The following USP24 variants were observed in gnomAD, a reference collection of about 807,000 sequenced individuals.
USP24 encodes the protein ubiquitin specific peptidase 24.
In USP24, 97 loss-of-function variants were observed where a neutral mutation model predicts 361.6. That is an observed-to-expected ratio of 0.27 (90% CI 0.23 to 0.32). The LOEUF is 0.32. Among genes scored for constraint, USP24 ranks in the 10% least tolerant of loss-of-function variants. USP24 has a pLI of 1.00. For missense variants in USP24, 2,353 were observed against 3,165.6 expected (o/e 0.74, Z 6.16); for synonymous variants, 1,098 against 1,124.6 (o/e 0.98, Z 0.47).
chr1:55,079,391 T>G, intron 60 of USP24, 147 bp downstream of exon 60: 1 of 1,158,000 alleles, frequency 8.6e-7, no homozygotes, highest in Non-Finnish European at 1.2e-6. Context: ...TCTCTTCCAC[T>G]AATTATTTCT....
chr1:55,202,287 G>C (rs1049038287), intron 1 of USP24, among the ~76,000 whole-genome samples: 1 of 152,064 alleles, frequency 6.6e-6, no homozygotes, highest in Non-Finnish European at 1.5e-5. Context: ...CGTCATTACT[G>C]TGTTTGATAC....
At position 55,145,106 on chromosome 1, in the gene USP24, A is replaced by T. The variant is rs567190485; in HGVS notation, c.2362+892T>A. ...GAAATAGCGTGGCACTTTGCAAAAC[A>T]GACAGTTCCTGAAAGGTTAATTATA... On this transcript the variant is annotated intron_variant, in intron 20 of 67. Transcript: ENST00000294383. Among the ~76,000 whole-genome samples the T allele has an allele frequency of 3.3e-5, 5 of 152,326 alleles. No homozygotes were observed. The South Asian group carries it at 1.0e-3, about 32-fold the overall frequency.
At chr1:55,150,069 G>T (rs1647151740) in intron 16 of USP24, among the ~76,000 whole-genome samples, 1 of 152,146 alleles carries the variant, frequency 6.6e-6, no homozygotes, top group South Asian at 2.1e-4. Context: ...TCAAGAGAAG[G>T]TGTTTAACTT....
chr1:55,157,095 C>T, intron 11 of USP24, 44 bp from the exon 12 acceptor site: 1 of 1,506,844 alleles, frequency 6.6e-7, no homozygotes, highest in Non-Finnish European at 9.2e-7. Flanking sequence ...ATAGTGAACA[C>T]TGACTCTCTA....
rs373878708 is a variant in USP24, at chr1:55,069,118, G to C, written c.7801-11C>G. ...GGGAGATTCTGAACCCTGCAGAAAA[G>C]AAAAGGAAGTTAAAGTTCATACGGT... is the stretch of plus-strand genomic sequence containing the variant. On this transcript the variant is annotated splice_polypyrimidine_tract_variant and intron_variant, in intron 67 of 67. Transcript: ENST00000294383. 3 of 1,613,770 alleles carry C rather than the reference G, an allele frequency of 1.9e-6. No individual in the cohort carries two copies. In the African/African-American group the frequency reaches 4.0e-5, roughly 22 times the overall value.
chr1:55,124,222 A>G (rs1239216714), intron 35 of USP24, among the ~76,000 whole-genome samples: 1 of 152,068 alleles, frequency 6.6e-6, no homozygotes, highest in Non-Finnish European at 1.5e-5. Flanking sequence ...TAAGCTAAAA[A>G]CTGTTGATTT....
intron 1 of USP24, among the ~76,000 whole-genome samples, chr1:55,185,191 G>A (rs1471495286): frequency 2.0e-5 from 3 of 151,956 alleles, no homozygotes; most frequent in Admixed American, 6.6e-5. Context: ...AGGTTCAAGC[G>A]ATTCTCCCAT....
At chr1:55,108,129 C>A (rs1645843128) in intron 39 of USP24, among the ~76,000 whole-genome samples, 1 of 152,128 alleles carries the variant, frequency 6.6e-6, no homozygotes, top group Non-Finnish European at 1.5e-5. Flanking sequence ...AGAATCAACA[C>A]TCCTGCAGTG....
intron 1 of USP24, among the ~76,000 whole-genome samples, chr1:55,196,056 T>C (rs1644409292): frequency 6.6e-6 from 1 of 152,212 alleles, no homozygotes; most frequent in African/African-American, 2.4e-5. Context: ...GTCTACCTTC[T>C]TCACCACAGC....
chr1:55,092,752 G>T, intron 53 of USP24, 69 bp downstream of exon 53: 1 of 1,157,968 alleles, frequency 8.6e-7, no homozygotes, highest in Non-Finnish European at 1.2e-6. Context: ...ATGAATCACT[G>T]AATGCTTTAG....
intron 32 of USP24, among the ~76,000 whole-genome samples, chr1:55,128,379 A>C (rs780084668): frequency 7.9e-5 from 12 of 152,078 alleles, no homozygotes; most frequent in Non-Finnish European, 1.5e-4. Context: ...CATGGACTAC[A>C]AGACAACACT....
intron 38 of USP24, among the ~76,000 whole-genome samples, chr1:55,113,589 T>C (rs1353633150): frequency 1.3e-5 from 2 of 152,032 alleles, no homozygotes; most frequent in Non-Finnish European, 2.9e-5. Flanking sequence ...AAAAAGAAAA[T>C]TTCGGGCCAA....
chr1:55,077,254 T>A lies in USP24; in HGVS notation c.7361A>T (p.Gln2454Leu). 6.4e-7 allele frequency: 1 copy of A among 1,560,076 alleles called. No individual in the cohort carries two copies. Among genetic ancestry groups the A allele is most frequent in the Non-Finnish European group, 8.7e-7 (1 of 1,147,458 alleles). Residue 2454 changes from glutamine (Q) to leucine (L), a missense_variant, in exon 62 of 68, where the codon CAA becomes CTA. Transcript: ENST00000294383. Reference sequence around the variant, plus strand: ...ACTTACCAATATTTCATGAAGTAGTTGGAACGTATTCTTTAACTCATGAGG... The same window carrying A: ...ACTTACCAATATTTCATGAAGTAGTAGGAACGTATTCTTTAACTCATGAGG... ...APPHELKNTF[Q>L]LLHEILVIED... is the part of the protein sequence containing the mutation.
chr1:55,069,098 A>C lies in USP24; in HGVS notation c.7810T>G (p.Ser2604Ala). The C allele has an allele frequency of 6.2e-7, 1 of 1,614,022 alleles. No individual in the cohort carries two copies. Among genetic ancestry groups the C allele is most frequent in the Non-Finnish European group, 8.5e-7 (1 of 1,179,898 alleles). ...CTCAACTCACCAATCATCATGGGAGATTCTGAACCCTGCAGAAAAGAAAAG... is the reference window on the plus strand; with the variant it reads ...CTCAACTCACCAATCATCATGGGAGCTTCTGAACCCTGCAGAAAAGAAAAG... Reference protein sequence around the residue: ...GDRHLQQGSESPMMIGELRSD... With the variant: ...GDRHLQQGSEAPMMIGELRSD... Residue 2604 changes from serine (S) to alanine (A), a missense_variant, in exon 68 of 68, where the codon TCT (serine) becomes GCT (alanine). By Grantham distance (99) the Ser-to-Ala change is moderately conservative (BLOSUM62 1). This residue lies in a region of USP24 where 53 missense variants were observed against 57.7 expected (regional missense o/e 0.92). Coordinates refer to ENST00000294383, the MANE Select transcript of USP24 (RefSeq NM_015306.3).
intron 1 of USP24, among the ~76,000 whole-genome samples, chr1:55,179,641 A>G (rs1302845269): frequency 6.6e-6 from 1 of 152,024 alleles, no homozygotes; most frequent in Admixed American, 6.6e-5. Context: ...AAGCCAGGGG[A>G]TCATTCTTAA....
chr1:55,155,719 C>T (rs1647581829), intron 12 of USP24, among the ~76,000 whole-genome samples: 1 of 152,070 alleles, frequency 6.6e-6, no homozygotes, highest in Non-Finnish European at 1.5e-5. Context: ...TACGTTCTGC[C>T]AATGAGAGGA....
At chr1:55,168,073 T>C (rs1443130658) in intron 5 of USP24, among the ~76,000 whole-genome samples, 1 of 151,894 alleles carries the variant, frequency 6.6e-6, no homozygotes, top group Non-Finnish European at 1.5e-5. Context: ...CAAAACTGGA[T>C]AGAGGTGAAG....
intron 1 of USP24, among the ~76,000 whole-genome samples, chr1:55,187,066 T>C (rs910836904): frequency 4.6e-5 from 7 of 151,910 alleles, no homozygotes; most frequent in Non-Finnish European, 8.8e-5. Flanking sequence ...TCCTAAACCA[T>C]GACCAAGTGG....
intron 67 of USP24, among the ~76,000 whole-genome samples, chr1:55,070,403 GA>G (rs1203458468): frequency 6.6e-6 from 1 of 152,188 alleles, no homozygotes; most frequent in African/African-American, 2.4e-5. Flanking sequence ...GGAACAGCCA[GA>G]AGGGTTTGAG....
Sources: allele counts gnomAD v4.1 joint callset (sites outside exome capture counted in the v4.1 genomes callset), GRCh38; gene constraint gnomAD v4.1.1; regional missense constraint gnomAD v4.1.1; transcripts MANE v1.5; gene names NCBI Gene and HGNC (gene_info 2026-07-23, HGNC 2026-07-21).